The following DNM2 variants were observed in gnomAD, a reference collection of about 807,000 sequenced individuals.
DNM2 encodes the protein dynamin 2.
Under a neutral mutation model 99.0 loss-of-function variants are expected in DNM2, and 15 were observed. The ratio of observed to expected loss-of-function variants is 0.15; its 90% CI spans 0.10 to 0.23. The LOEUF is 0.23. DNM2 is among the 10% of genes least tolerant of loss of function. The pLI is 1.00. For missense variants in DNM2, 742 were observed against 1,189.4 expected (o/e 0.62, Z 5.53); for synonymous variants, 525 against 481.2 (o/e 1.09, Z -1.19).
intron 1 of DNM2, among the ~76,000 whole-genome samples, chr19:10,729,185 A>AAT (rs1568265468): frequency 1.7e-4 from 21 of 124,456 alleles, no homozygotes; most frequent in East Asian, 6.5e-4. Context: ...AAAAAAAAAA[A>AAT]AAAAATATAA....
Position 10,812,465 on chromosome 19 carries a change from C to A in DNM2, c.1671+88C>A. The A allele has an allele frequency of 9.3e-7, 1 of 1,078,422 alleles. No individual in the cohort carries two copies. Among genetic ancestry groups the A allele is most frequent in the Non-Finnish European group, 1.4e-6 (1 of 734,984 alleles). 66.8% of individuals were successfully genotyped at this position (1,078,422 alleles called of 1,614,324 possible). A position where few individuals can be genotyped will look rare whatever the true frequency, so the allele number is the denominator to read the frequency against. On this transcript the variant is annotated intron_variant, in intron 15 of 20. Coordinates refer to ENST00000389253, the MANE Select transcript of DNM2 (RefSeq NM_001005361.3). This position sits in a 1 kb window ranked among gnomAD's most constrained non-coding sequence, Gnocchi z 4.0. ...GCGCTCCCTCTGGGCAGAACTCAGT[C>A]ACTGCGCCACTCTGCCCTGAGTCAC...
intron 18 of DNM2, among the ~76,000 whole-genome samples, chr19:10,825,597 AG>A: frequency 6.6e-6 from 1 of 152,176 alleles, no homozygotes; most frequent in Non-Finnish European, 1.5e-5. Flanking sequence ...TGAACCCAAG[AG>A]GCAGAGGTTG....
At chr19:10,737,705 G>A (rs868716132) in intron 1 of DNM2, among the ~76,000 whole-genome samples, 1 of 152,136 alleles carries the variant, frequency 6.6e-6, no homozygotes, top group Non-Finnish European at 1.5e-5. Context: ...GGCTGATCTC[G>A]AACTGCTGAC....
In DNM2 at chr19:10,764,428, A is replaced by G. The variant is rs2070731556; in HGVS notation, c.235+4617A>G. On this transcript the variant is annotated intron_variant, in intron 2 of 20. Transcript: ENST00000389253. The surrounding 1 kb of genome is among the most constrained non-coding windows in gnomAD (Gnocchi z 4.1). Reference sequence around the variant, plus strand: ...CCAGTGAACCATAACTTCCAGCCATAGAAGTTTAAACATTACCTAAGACCA... The same window carrying G: ...CCAGTGAACCATAACTTCCAGCCATGGAAGTTTAAACATTACCTAAGACCA... Among the ~76,000 whole-genome samples the G allele has an allele frequency of 1.3e-5, 2 of 152,206 alleles. No individual in the cohort carries two copies. Among genetic ancestry groups the G allele is most frequent in the Admixed American group, 1.3e-4 (2 of 15,284 alleles).
In DNM2 at chr19:10,786,560, G is replaced by A; in HGVS notation, c.850-4G>A. 6.2e-7 allele frequency: 1 copy of A among 1,614,006 alleles called. No individual in the cohort carries two copies. On this transcript the variant is annotated splice_polypyrimidine_tract_variant and splice_region_variant and intron_variant, in intron 6 of 20. Coordinates refer to ENST00000389253, the MANE Select transcript of DNM2 (RefSeq NM_001005361.3). ...CTTTCTGATCTCTGACCTCTCTCCT[G>A]CAGCAACTGACCAACCACATCCGGG...
chr19:10,767,968 G>A (rs1167655908), intron 2 of DNM2, among the ~76,000 whole-genome samples: 1 of 152,128 alleles, frequency 6.6e-6, no homozygotes, highest in Non-Finnish European at 1.5e-5. Context: ...ACCATGCCAG[G>A]GAGCCCTGTG....
rs559881224 is a variant in DNM2 at position 10,812,204 on chromosome 19, G to A, written c.1558-60G>A. On this transcript the variant is annotated intron_variant, in intron 14 of 20. Coordinates refer to ENST00000389253, the MANE Select transcript of DNM2 (RefSeq NM_001005361.3). The surrounding 1 kb of genome is among the most constrained non-coding windows in gnomAD (Gnocchi z 4.0). ...ACTGAGCTGTGGGCAAGGCTGCTGC[G>A]CTGGGGGATGGCTGGGGCACGGAGC... 2.0e-4 allele frequency: 295 copies of A among 1,451,936 alleles called. 1 individual carries two copies. The highest frequency in any genetic ancestry group is 1.6e-3 in the Middle Eastern group (9 of 5,766). The allele number at this position is 1,451,936 out of a possible 1,614,324, so 89.9% of individuals were successfully genotyped here. A position where few individuals can be genotyped will look rare whatever the true frequency, so the allele number is the denominator to read the frequency against.
intron 1 of DNM2, among the ~76,000 whole-genome samples, chr19:10,742,918 T>G (rs896079164): frequency 6.7e-6 from 1 of 149,660 alleles, no homozygotes; most frequent in East Asian, 1.9e-4. Context: ...TCTTTCTTTT[T>G]TTTTTTTTTT....
rs369347296 is a variant in DNM2, at chr19:10,772,530, A to G, written c.287A>G (p.Glu96Gly). The change falls in exon 3 of 21, where the codon GAA (glutamate) becomes GGA (glycine). Residue 96 changes from glutamate to glycine, a missense_variant. By Grantham distance (98) the Glu-to-Gly change is moderately conservative. Around this residue, in one of 7 missense-constraint regions of DNM2, gnomAD observed 192 missense variants for 358.9 expected, o/e 0.54. Coordinates refer to ENST00000389253, the MANE Select transcript of DNM2 (RefSeq NM_001005361.3). The surrounding 1 kb of genome is among the most constrained non-coding windows in gnomAD (Gnocchi z 4.9). ...CKSKKFTDFD[E>G]VRQEIEAETD... Reference sequence around the variant, plus strand: ...TCCAAAAAGTTTACAGACTTTGATGAAGTCCGGCAGGAGATTGAAGCAGAG... The same window carrying G: ...TCCAAAAAGTTTACAGACTTTGATGGAGTCCGGCAGGAGATTGAAGCAGAG... The G allele has an allele frequency of 6.2e-7, 1 of 1,614,072 alleles. No individual in the cohort carries two copies. Among genetic ancestry groups the G allele is most frequent in the Non-Finnish European group, 8.5e-7 (1 of 1,180,046 alleles).
intron 5 of DNM2, among the ~76,000 whole-genome samples, chr19:10,777,952 G>A (rs1017475395): frequency 6.6e-6 from 1 of 151,846 alleles, no homozygotes; most frequent in African/African-American, 2.4e-5. Flanking sequence ...AAGAATCCTC[G>A]TGGATGGCTT....
chr19:10,718,326 C>T lies in DNM2; in HGVS notation c.84C>T (p.His28=). ...TCAGCTCCATCGGCCAGAGCTGCCA[C>T]CTGGACCTGCCGCAGATCGCTGTAG... ...DAFSSIGQSC[H]LDLPQIAVVG... Residue 28 remains histidine, a synonymous_variant, in exon 1 of 21, where the codon CAC becomes CAT. Coordinates refer to ENST00000389253, the MANE Select transcript of DNM2 (RefSeq NM_001005361.3). 6.6e-7 allele frequency: 1 copy of T among 1,515,570 alleles called. No homozygotes were observed. The highest frequency in any genetic ancestry group is 8.8e-7 in the Non-Finnish European group (1 of 1,133,772). 93.9% of individuals were successfully genotyped at this position (1,515,570 alleles called of 1,614,324 possible).
chr19:10,796,237 G>C lies in DNM2; in HGVS notation c.1196+798G>C. 6.2e-7 allele frequency: 1 copy of C among 1,613,468 alleles called. No homozygotes were observed. Reference sequence around the variant, plus strand: ...CGGCAGGGTGACTCCTGACCTTGTGGAAACGGGGGTACGGGGGTTTGGTAT... The same window carrying C: ...CGGCAGGGTGACTCCTGACCTTGTGCAAACGGGGGTACGGGGGTTTGGTAT... On this transcript the variant is annotated intron_variant, in intron 9 of 20. Transcript: ENST00000389253. The surrounding 1 kb of genome is among the most constrained non-coding windows in gnomAD (Gnocchi z 5.6).
chr19:10,735,634 C>T (rs1194996021), intron 1 of DNM2, among the ~76,000 whole-genome samples: 1 of 151,758 alleles, frequency 6.6e-6, no homozygotes, highest in Non-Finnish European at 1.5e-5. Context: ...CTGCCTCAGC[C>T]GCTTGAGCAG....
chr19:10,805,866 TC>T lies in DNM2; in HGVS notation c.1494-43del, dbSNP rs551398068. 2.2e-3 allele frequency: 3,511 copies of T among 1,612,616 alleles called. 5 individuals carry two copies. The highest frequency in any genetic ancestry group is 2.9e-3 in the Non-Finnish European group (3,378 of 1,179,064). ...GGCCACATTCGCCTCTTCCCCTTCTTCCCCCCCGGCATCTTGTCCACGTGAA... is the reference window on the plus strand; with the variant it reads ...GGCCACATTCGCCTCTTCCCCTTCTTCCCCCCGGCATCTTGTCCACGTGAA... On this transcript the variant is annotated intron_variant, in intron 12 of 20. Coordinates refer to ENST00000389253, the MANE Select transcript of DNM2 (RefSeq NM_001005361.3).
intron 2 of DNM2, among the ~76,000 whole-genome samples, chr19:10,767,533 A>T (rs539137161): frequency 3.9e-5 from 6 of 152,308 alleles, no homozygotes; most frequent in Non-Finnish European, 5.9e-5. Context: ...GCTGGCCTCC[A>T]ATGATTCTCC....
chr19:10,723,423 G>A (rs1271498213), intron 1 of DNM2, among the ~76,000 whole-genome samples: 8 of 152,028 alleles, frequency 5.3e-5, no homozygotes, highest in African/African-American at 1.7e-4. Flanking sequence ...GTGAGCCACC[G>A]TGCCCGGCTA....
At position 10,798,550 on chromosome 19, in the gene DNM2, G is replaced by T. The variant is rs776126973; in HGVS notation, c.1400G>T (p.Arg467Leu). The T allele has an allele frequency of 6.2e-7, 1 of 1,614,214 alleles. No individual in the cohort carries two copies. Among genetic ancestry groups the T allele is most frequent in the Non-Finnish European group, 8.5e-7 (1 of 1,180,042 alleles). Residue 467 changes from arginine (R) to leucine (L), a missense_variant, in exon 11 of 21, where the codon CGG becomes CTG. Coordinates refer to ENST00000389253, the MANE Select transcript of DNM2 (RefSeq NM_001005361.3). The part of the protein sequence containing the change: ...ERIVTTYIRE[R>L]EGRTKDQILL... ...ATCGTCACCACTTACATCCGGGAAC[G>T]GGAGGGGAGAACGAAGGACCAGGTA...
chr19:10,823,901 T>G lies in DNM2; in HGVS notation c.1893+2T>G. 6.2e-7 allele frequency: 1 copy of G among 1,608,752 alleles called. No homozygotes were observed. ...GGCGTCTACCCCGAGAAGGACCAGG[T>G]GAGGAGCCGTCCTGCGCAGCCAGGC... On this transcript the variant is annotated splice_donor_variant, in intron 17 of 20. Transcript: ENST00000389253. LOFTEE classifies it high-confidence loss of function.
intron 1 of DNM2, chr19:10,755,193 G>C (rs1038505508): frequency 1.3e-4 from 20 of 152,220 alleles, no homozygotes; most frequent in African/African-American, 4.8e-4. Context: ...ATGGTGACTA[G>C]ACGAACAGAC....
Sources: gnomAD v4.1 joint callset for allele counts (sites outside exome capture counted in the v4.1 genomes callset) on GRCh38, gnomAD v4.1.1 for gene constraint, gnomAD v4.1.1 regional missense constraint, Gnocchi (gnomAD v3.1) non-coding constraint, MANE v1.5 for transcripts, NCBI Gene and HGNC (gene_info 2026-07-23, HGNC 2026-07-21) for gene names.